Variants in KRABD1 observed in about 807,000 individuals in gnomAD.
KRABD1 encodes KRAB domain containing 1.
chr3:42,940,181 T>C, the KRABD1 span, among the ~76,000 whole-genome samples: 1 of 152,218 alleles, frequency 6.6e-6, no homozygotes, highest in African/African-American at 2.4e-5. Flanking sequence ...AAGTTCTTTT[T>C]CCCCCCATAT....
the KRABD1 span, chr3:42,937,245 T>TA: frequency 6.6e-6 from 1 of 152,348 alleles, no homozygotes; most frequent in African/African-American, 2.4e-5. Flanking sequence ...ATTAGTCAAC[T>TA]ATGTTGGGAG....
At chr3:42,941,095 C>A in the KRABD1 span, 1 of 723,046 alleles carries the variant, frequency 1.4e-6, no homozygotes, top group Non-Finnish European at 2.0e-6. Context: ...TACACAAAAA[C>A]TCTGTAGGCA....
At chr3:42,942,534 C>T in the KRABD1 span, 4 of 1,025,146 alleles carry the variant, frequency 3.9e-6, no homozygotes, top group Non-Finnish European at 5.4e-6. Flanking sequence ...TTCCTCCTCT[C>T]TAGGATACTT....
the KRABD1 span, chr3:42,938,860 T>TC: frequency 6.6e-7 from 1 of 1,506,106 alleles, no homozygotes; most frequent in Non-Finnish European, 8.9e-7. Flanking sequence ...CACCTGAGAC[T>TC]TTTACCTTTA....
the KRABD1 span, among the ~76,000 whole-genome samples, chr3:42,941,037 C>A: frequency 6.6e-6 from 1 of 152,200 alleles, no homozygotes; most frequent in Non-Finnish European, 1.5e-5. Context: ...ATGCTGAACT[C>A]TGACTGGCTA....
At chr3:42,942,399 A>G in the KRABD1 span, 57 of 450,562 alleles carry the variant, frequency 1.3e-4, no homozygotes, top group Non-Finnish European at 2.1e-4. Context: ...GTGCAGTATT[A>G]TCTTGTTCAC....
the KRABD1 span, chr3:42,938,710 C>G: frequency 9.0e-4 from 400 of 443,172 alleles, 2 homozygotes; most frequent in Middle Eastern, 0.015. Flanking sequence ...CCTGCTATCT[C>G]GCCTTTGTGA....
At chr3:42,941,835 C>A in the KRABD1 span, 1 of 667,414 alleles carries the variant, frequency 1.5e-6, no homozygotes, top group Non-Finnish European at 2.7e-6. Context: ...TAGGGTACCT[C>A]TCGTATAGCT....
At chr3:42,941,941 T>G in the KRABD1 span, 1 of 1,458,652 alleles carries the variant, frequency 6.9e-7, no homozygotes, top group Non-Finnish European at 9.3e-7. Flanking sequence ...GTGTTATGTT[T>G]TCTTCTTTTC....
At chr3:42,938,717 G>T in the KRABD1 span, 1 of 448,450 alleles carries the variant, frequency 2.2e-6, no homozygotes, top group Non-Finnish European at 4.1e-6. Flanking sequence ...TCTCGCCTTT[G>T]TGAGATTGAT....
the KRABD1 span, among the ~76,000 whole-genome samples, chr3:42,940,728 C>G: frequency 5.3e-5 from 8 of 152,274 alleles, no homozygotes; most frequent in Admixed American, 4.6e-4. Flanking sequence ...ATTGACTGAT[C>G]AGAGAGCTTT....
the KRABD1 span, chr3:42,942,187 G>A: frequency 6.8e-6 from 5 of 731,314 alleles, no homozygotes; most frequent in African/African-American, 7.0e-5. Flanking sequence ...TGGGATCCTC[G>A]ATCACATTTT....
At chr3:42,942,102 T>C in the KRABD1 span, 6 of 1,412,460 alleles carry the variant, frequency 4.2e-6, no homozygotes, top group Non-Finnish European at 5.8e-6. Context: ...CTTCTCCAGC[T>C]TTGTCTCTTC....
chr3:42,936,678 A>G, the KRABD1 span: 3 of 152,250 alleles, frequency 2.0e-5, no homozygotes, highest in African/African-American at 4.8e-5. Flanking sequence ...ACACATTCGC[A>G]TGTTAACTTC....
chr3:42,941,990 C>A, the KRABD1 span: 3 of 1,535,868 alleles, frequency 2.0e-6, no homozygotes, highest in African/African-American at 1.4e-5. Context: ...TTTGGTCTCT[C>A]ATCTGGAGCA....
At chr3:42,939,352 C>T in the KRABD1 span, among the ~76,000 whole-genome samples, 1 of 152,208 alleles carries the variant, frequency 6.6e-6, no homozygotes, top group Non-Finnish European at 1.5e-5. Flanking sequence ...CCTTCTTTTG[C>T]TCAACGTTAT....
chr3:42,939,039 C>T, the KRABD1 span: 1 of 792,618 alleles, frequency 1.3e-6, no homozygotes, highest in East Asian at 2.8e-5. Context: ...ATATATATAA[C>T]ATACTTTTAT....
the KRABD1 span, chr3:42,941,865 T>C: frequency 5.2e-6 from 4 of 762,536 alleles, no homozygotes; most frequent in Non-Finnish European, 9.0e-6. Context: ...ATTACTCTCC[T>C]CACCTCCCTT....
the KRABD1 span, among the ~76,000 whole-genome samples, chr3:42,939,382 G>A: frequency 6.6e-6 from 1 of 151,142 alleles, no homozygotes; most frequent in Non-Finnish European, 1.5e-5. Flanking sequence ...CTTCACTGAC[G>A]TTGTTGCACA....
Sources: gnomAD v4.1 joint callset for allele counts (sites outside exome capture counted in the v4.1 genomes callset) on GRCh38, gnomAD v4.1.1 for gene constraint, MANE v1.5 for transcripts, NCBI Gene and HGNC (gene_info 2026-07-23, HGNC 2026-07-21) for gene names.